The following VPS8 variants were observed in gnomAD, a reference collection of about 807,000 sequenced individuals.
VPS8 encodes VPS8 subunit of CORVET complex.
In VPS8, 129 loss-of-function variants were observed where a neutral mutation model predicts 216.4. That is an observed-to-expected ratio of 0.60 (90% CI 0.52 to 0.69). VPS8 has a LOEUF of 0.69. Among genes scored for constraint, VPS8 ranks in the 30% least tolerant of loss-of-function variants. VPS8 has a pLI of 0.00. For missense variants in VPS8, 1,531 were observed against 1,683.5 expected (o/e 0.91, Z 1.59); for synonymous variants, 571 against 565.4 (o/e 1.01, Z -0.14).
intron 22 of VPS8, chr3:184,893,390 G>T: frequency 8.8e-7 from 1 of 1,130,098 alleles, no homozygotes; most frequent in South Asian, 1.6e-5. Context: ...ACACATTTAG[G>T]AAAAAGTAAA....
At chr3:185,046,326 T>C (rs1456363815) in intron 46 of VPS8, among the ~76,000 whole-genome samples, 1 of 152,206 alleles carries the variant, frequency 6.6e-6, no homozygotes, top group Non-Finnish European at 1.5e-5. Flanking sequence ...CTTTGTGACA[T>C]TGCCCCTAAT....
intron 34 of VPS8, among the ~76,000 whole-genome samples, chr3:184,934,619 C>T (rs1196542950): frequency 1.3e-5 from 2 of 152,116 alleles, no homozygotes; most frequent in African/African-American, 4.8e-5. Flanking sequence ...CAAGAGTTTC[C>T]TCATGAATGG....
At chr3:185,003,550 C>T (rs1753740337) in intron 45 of VPS8, among the ~76,000 whole-genome samples, 2 of 149,802 alleles carry the variant, frequency 1.3e-5, no homozygotes, top group African/African-American at 5.0e-5. Flanking sequence ...CCCATGTCTA[C>T]TTCTTTCTAC....
intron 30 of VPS8, among the ~76,000 whole-genome samples, 154 bp from the exon 31 acceptor site, chr3:184,926,440 G>T (rs1262785137): frequency 6.6e-6 from 1 of 151,868 alleles, no homozygotes; most frequent in Non-Finnish European, 1.5e-5. Flanking sequence ...CATGTACTGG[G>T]TTAATCAGTT....
chr3:184,967,949 A>G (rs563297977), intron 39 of VPS8, among the ~76,000 whole-genome samples: 88 of 152,226 alleles, frequency 5.8e-4, no homozygotes, highest in Non-Finnish European at 1.0e-3. Flanking sequence ...ATATTCACGT[A>G]ATTATATAAT....
intron 1 of VPS8, among the ~76,000 whole-genome samples, chr3:184,813,052 G>A (rs141664822): frequency 1.6e-3 from 246 of 152,322 alleles, no homozygotes; most frequent in Middle Eastern, 3.4e-3. Context: ...TCTGGGGAAG[G>A]AGGGAAACAG....
At chr3:184,893,270 C>G (rs1283384930) in intron 22 of VPS8, 1 of 1,288,384 alleles carries the variant, frequency 7.8e-7, no homozygotes, top group Admixed American at 2.3e-5. Context: ...CTAGTCCTTT[C>G]AGGAGCTTCC....
chr3:184,817,816 A>C (rs79987695), intron 1 of VPS8, among the ~76,000 whole-genome samples: 11,088 of 152,306 alleles, frequency 0.073, 478 homozygotes, highest in Non-Finnish European at 0.092. Flanking sequence ...GTGATGTGGA[A>C]TATTCAAAGG....
intron 29 of VPS8, among the ~76,000 whole-genome samples, chr3:184,920,901 A>G (rs1005001165): frequency 3.3e-5 from 5 of 152,226 alleles, no homozygotes; most frequent in African/African-American, 7.2e-5. Flanking sequence ...CATAACATCA[A>G]TATGCTACAT....
chr3:185,000,427 A>G (rs1259137103), intron 45 of VPS8, among the ~76,000 whole-genome samples: 1 of 152,080 alleles, frequency 6.6e-6, no homozygotes, highest in East Asian at 1.9e-4. Context: ...TGAGGGGTTC[A>G]ATGTGGAGAA....
intron 46 of VPS8, among the ~76,000 whole-genome samples, chr3:185,029,941 T>C (rs1235663385): frequency 6.6e-6 from 1 of 152,242 alleles, no homozygotes; most frequent in Non-Finnish European, 1.5e-5. Flanking sequence ...ATATTTATTG[T>C]ATATAAAATT....
chr3:184,822,183 A>T (rs1381350178), intron 1 of VPS8, among the ~76,000 whole-genome samples: 3 of 152,140 alleles, frequency 2.0e-5, no homozygotes, highest in African/African-American at 7.2e-5. Context: ...GGGAGAAGTG[A>T]TTATTTCCTG....
chr3:184,962,482 A>G (rs1002614665), intron 37 of VPS8, among the ~76,000 whole-genome samples: 5 of 152,048 alleles, frequency 3.3e-5, no homozygotes, highest in African/African-American at 9.7e-5. Context: ...ACATCTTTCC[A>G]TATGTTTGAT....
intron 45 of VPS8, among the ~76,000 whole-genome samples, chr3:185,020,192 A>G (rs893098490): frequency 1.3e-5 from 2 of 152,248 alleles, no homozygotes; most frequent in Non-Finnish European, 2.9e-5. Flanking sequence ...AAATGTCCCA[A>G]TAGCCCACAG....
intron 7 of VPS8, among the ~76,000 whole-genome samples, chr3:184,842,100 T>A (rs1253957676): frequency 7.0e-6 from 1 of 143,652 alleles, no homozygotes; most frequent in African/African-American, 2.6e-5. Flanking sequence ...ATATGTGGAA[T>A]GGCGTGAACC....
intron 1 of VPS8, among the ~76,000 whole-genome samples, chr3:184,822,628 C>T (rs551051129): frequency 1.4e-4 from 21 of 152,210 alleles, no homozygotes; most frequent in African/African-American, 5.1e-4. Flanking sequence ...AACCACTGAA[C>T]GTGAATTAGA....
At chr3:185,048,643 C>T in intron 47 of VPS8, 84 bp downstream of exon 47, 1 of 1,477,072 alleles carries the variant, frequency 6.8e-7, no homozygotes, top group Non-Finnish European at 9.3e-7. Flanking sequence ...GAACCTCCCT[C>T]TAGCCTCCTT....
intron 37 of VPS8, 65 bp from the exon 38 acceptor site, chr3:184,964,403 A>G (rs958843888): frequency 5.2e-5 from 53 of 1,025,584 alleles, no homozygotes; most frequent in African/African-American, 9.9e-5. Context: ...TTCATCCTCA[A>G]TGGGATCTTC....
intron 45 of VPS8, among the ~76,000 whole-genome samples, chr3:185,011,753 G>C (rs1210394361): frequency 6.6e-6 from 1 of 152,168 alleles, no homozygotes; most frequent in African/African-American, 2.4e-5. Context: ...CAAAGCCAGA[G>C]CCCAAACTAT....
Sources: gnomAD v4.1 joint callset for allele counts (sites outside exome capture counted in the v4.1 genomes callset) on GRCh38, gnomAD v4.1.1 for gene constraint, MANE v1.5 for transcripts, NCBI Gene and HGNC (gene_info 2026-07-23, HGNC 2026-07-21) for gene names.